FCGR1A: variants seen among roughly 807,000 people sequenced by gnomAD.
The protein encoded by FCGR1A is Fc gamma receptor Ia, also known as high affinity immunoglobulin gamma Fc receptor I.
A neutral mutation model predicts 35.0 loss-of-function variants in FCGR1A; 13 were observed. The ratio of observed to expected loss-of-function variants is 0.37; its 90% confidence interval spans 0.24 to 0.59. FCGR1A has a LOEUF of 0.59. FCGR1A is among the 20% of genes least tolerant of loss of function. The pLI, the probability that FCGR1A is intolerant of heterozygous loss-of-function variation, is 0.71. For missense variants in FCGR1A, 227 were observed against 430.0 expected, an observed-to-expected ratio of 0.53 and a Z score of 4.17; for synonymous variants, 91 against 164.7, an observed-to-expected ratio of 0.55 and a Z score of 3.43.
intron 3 of FCGR1A, 77 bp downstream of exon 3, chr1:149,784,334 G>A (rs1571382573): frequency 5.0e-6 from 8 of 1,611,538 alleles, no homozygotes; most frequent in South Asian, 4.4e-5. Context: ...GATGCCAGAT[G>A]TGTGTGTGTC....
chr1:149,790,529 T>C, intron 5 of FCGR1A, 191 bp downstream of exon 5: 1 of 928,266 alleles, frequency 1.1e-6, no homozygotes, highest in Admixed American at 2.8e-5. Context: ...TAAATTTCCT[T>C]TCCTTTCTTT....
At chr1:149,790,402 T>C in intron 5 of FCGR1A, 64 bp downstream of exon 5, 4 of 1,549,708 alleles carry the variant, frequency 2.6e-6, no homozygotes, top group Non-Finnish European at 3.5e-6. Context: ...CCCATGGGAC[T>C]GAGGTTTGTT....
intron 5 of FCGR1A, among the ~76,000 whole-genome samples, chr1:149,790,675 T>C (rs1281421096): frequency 6.7e-6 from 1 of 149,614 alleles, no homozygotes; most frequent in Non-Finnish European, 1.5e-5. Flanking sequence ...TCTCTCTCTC[T>C]CTCTCCCTGC....
chr1:149,785,743 T>A (rs1479065347), intron 3 of FCGR1A: 6 of 152,158 alleles, frequency 3.9e-5, no homozygotes, highest in Admixed American at 3.3e-4. Context: ...CACAGTAAAT[T>A]TTTTCAAAGT....
Position 149,790,044 on chromosome 1 carries a change from T to C in FCGR1A, c.560-10T>C, listed in dbSNP as rs1226461928. ...CAGGCAACCTTGTCCCCCATCAACTTTCTCCTTAGAGCTATTTCCAGCTCC... is the reference window on the plus strand; with the variant it reads ...CAGGCAACCTTGTCCCCCATCAACTCTCTCCTTAGAGCTATTTCCAGCTCC... On this transcript the variant is annotated splice_polypyrimidine_tract_variant and intron_variant, in intron 4 of 5. Coordinates refer to ENST00000369168, the MANE Select transcript of FCGR1A (RefSeq NM_000566.4). 1 of 1,613,072 alleles carries C rather than the reference T, an allele frequency of 6.2e-7. No individual in the cohort carries two copies. The highest frequency in any genetic ancestry group is 1.7e-5 in the Admixed American group (1 of 60,012).
At chr1:149,799,263 G>A in the FCGR1A span, among the ~76,000 whole-genome samples, 7 of 150,140 alleles carry the variant, frequency 4.7e-5, no homozygotes, top group South Asian at 2.1e-4. Flanking sequence ...ATAATGCTTC[G>A]TGTCTTCTTA....
intron 3 of FCGR1A, chr1:149,785,957 T>C (rs1379917478): frequency 6.6e-6 from 1 of 152,190 alleles, no homozygotes; most frequent in African/African-American, 2.4e-5. Flanking sequence ...GTGAACTGTA[T>C]ACATGTTGTA....
chr1:149,788,460 T>A lies in FCGR1A; in HGVS notation c.402T>A (p.Asn134Lys), dbSNP rs782560110. 1.9e-6 allele frequency: 3 copies of A among 1,613,680 alleles called. No individual in the cohort carries two copies. The highest frequency in any genetic ancestry group is 2.5e-6 in the Non-Finnish European group (3 of 1,179,698). Residue 134 changes from asparagine (N) to lysine (K), a missense_variant, in exon 4 of 6, where the codon AAT (asparagine) becomes AAA (lysine). Transcript: ENST00000369168. ...CGTGGAAGGATAAGCTGGTGTACAA[T>A]GTGCTTTACTATCGAAATGGCAAAG... ...CHAWKDKLVY[N>K]VLYYRNGKAF...
chr1:149,788,683 A>C, intron 4 of FCGR1A, 66 bp downstream of exon 4: 1 of 1,557,740 alleles, frequency 6.4e-7, no homozygotes, highest in Non-Finnish European at 8.8e-7. Context: ...TAAATATTCT[A>C]AACTCCTCAC....
At chr1:149,794,165 G>A, downstream of FCGR1A, 1 of 359,828 alleles carries the variant, frequency 2.8e-6, no homozygotes, top group Non-Finnish European at 5.5e-6. Context: ...GGACTAACAT[G>A]GTAACAGTGG....
chr1:149,787,956 C>T (rs587735084), intron 3 of FCGR1A: 1 of 298,606 alleles, frequency 3.3e-6, no homozygotes, highest in East Asian at 8.5e-5. Flanking sequence ...TAGAGTCTTA[C>T]ATAATGTAGC....
the FCGR1A span, among the ~76,000 whole-genome samples, chr1:149,798,610 AC>A: frequency 6.6e-6 from 1 of 150,378 alleles, no homozygotes; most frequent in Admixed American, 6.6e-5. Flanking sequence ...GTATTTTTAA[AC>A]CGACTTTAAA....
At chr1:149,793,749 T>C (rs2091767120), downstream of FCGR1A, among the ~76,000 whole-genome samples, 1 of 151,510 alleles carries the variant, frequency 6.6e-6, no homozygotes, top group African/African-American at 2.4e-5. Flanking sequence ...CCAGGCTGGG[T>C]ATGGAGACCT....
chr1:149,785,041 G>A (rs2091504740), intron 3 of FCGR1A, among the ~76,000 whole-genome samples: 1 of 152,204 alleles, frequency 6.6e-6, no homozygotes, highest in South Asian at 2.1e-4. Flanking sequence ...TTTAATAAAT[G>A]GAAGCAGAAA....
At chr1:149,796,642 C>T (rs1381775107), downstream of FCGR1A, among the ~76,000 whole-genome samples, 5 of 152,124 alleles carry the variant, frequency 3.3e-5, no homozygotes, top group Non-Finnish European at 5.9e-5. Context: ...AAATCTTGGT[C>T]CTGCACTTAA....
At chr1:149,786,281 G>C (rs1476777551) in intron 3 of FCGR1A, 1 of 151,894 alleles carries the variant, frequency 6.6e-6, no homozygotes, top group Non-Finnish European at 1.5e-5. Context: ...TTTTTCTATT[G>C]TCTGTCTTTT....
rs1286013649 is a variant in FCGR1A, at chr1:149,791,088, G to A, written c.845-149G>A. On this transcript the variant is annotated intron_variant, in intron 5 of 5. Coordinates refer to ENST00000369168, the MANE Select transcript of FCGR1A (RefSeq NM_000566.4). The stretch of plus-strand genomic sequence containing the variant: ...CACCATATAGCCAGTTAGAGCTACC[G>A]CCAGTTCCTTCCTGCTCCCTGAAAT... 46 of 1,009,262 alleles carry A rather than the reference G, an allele frequency of 4.6e-5. No homozygotes were observed. The African/African-American group carries it at 5.8e-4, about 13-fold the overall frequency. The allele number at this position is 1,009,262 out of a possible 1,614,324, so 62.5% of individuals were successfully genotyped here. A position where few individuals can be genotyped will look rare whatever the true frequency, so the allele number is the denominator to read the frequency against.
downstream of FCGR1A, among the ~76,000 whole-genome samples, chr1:149,793,711 T>A (rs1553752490): frequency 6.7e-6 from 1 of 150,234 alleles, no homozygotes; most frequent in Non-Finnish European, 1.5e-5. Flanking sequence ...GTTGGGAGGG[T>A]GGGTCGTTAG....
At position 149,791,109 on chromosome 1, in the gene FCGR1A, G is replaced by C. The variant is rs1302016294; in HGVS notation, c.845-128G>C. 733 of 1,223,696 alleles carry C rather than the reference G, an allele frequency of 6.0e-4. 8 individuals are homozygous for C. Among genetic ancestry groups the C allele is most frequent in the Non-Finnish European group, 7.9e-4 (700 of 889,952 alleles). The allele number at this position is 1,223,696 out of a possible 1,614,324, so 75.8% of individuals were successfully genotyped here. ...TACCGCCAGTTCCTTCCTGCTCCCT[G>C]AAATGACCAGTGCCTCCCTGAGGAC... On this transcript the variant is annotated intron_variant, in intron 5 of 5. Coordinates refer to ENST00000369168, the MANE Select transcript of FCGR1A (RefSeq NM_000566.4).
Sources: gnomAD v4.1 joint callset for allele counts (sites outside exome capture counted in the v4.1 genomes callset) on GRCh38, gnomAD v4.1.1 for gene constraint, MANE v1.5 for transcripts, NCBI Gene and HGNC (gene_info 2026-07-23, HGNC 2026-07-21) for gene names.